The following SAR1A variants were observed in gnomAD, a reference collection of about 807,000 sequenced individuals.
SAR1A encodes small COPII coat GTPase SAR1A.
SAR1A carries 6 observed loss-of-function variants against 22.6 expected under a neutral mutation model. The ratio of observed to expected loss-of-function variants is 0.27; its 90% CI spans 0.15 to 0.52. The LOEUF (loss-of-function observed/expected upper bound fraction) is 0.52, where lower values mean the gene tolerates loss of function less well. Among genes scored for constraint, SAR1A ranks in the 20% least tolerant of loss-of-function variants. The pLI, the probability that SAR1A is intolerant of heterozygous loss-of-function variation, is 0.96. For missense variants in SAR1A, 145 were observed against 245.1 expected (o/e 0.59, Z 2.73); for synonymous variants, 70 against 82.2 (o/e 0.85, Z 0.80).
At chr10:70,161,347 G>A (rs1213538131) in intron 3 of SAR1A, 16 of 549,664 alleles carry the variant, frequency 2.9e-5, no homozygotes, top group African/African-American at 2.1e-4. Context: ...AAAAGCCAAA[G>A]GTTTCTTTTC....
At position 70,167,633 on chromosome 10, in the gene SAR1A, G is replaced by A. The variant is rs1035467300; in HGVS notation, c.-17+2780C>T. 2.6e-5 allele frequency: 4 copies of A among 151,294 alleles called. No homozygotes were observed. In the South Asian group the frequency reaches 6.3e-4, roughly 24 times the overall value. The allele number at this position is 151,294 out of a possible 1,614,324, so 9.4% of individuals were successfully genotyped here. On this transcript the variant is annotated intron_variant, in intron 1 of 6. Transcript: ENST00000373241. ...AAAAAAAAAAAGAGTAAATTGAAAA[G>A]TAGAGCTGGTATGTTTTTCATCCAA...
chr10:70,155,912 T>C (rs926918859), intron 5 of SAR1A, among the ~76,000 whole-genome samples: 2 of 152,210 alleles, frequency 1.3e-5, no homozygotes, highest in African/African-American at 2.4e-5. Flanking sequence ...AAAAGATTTA[T>C]AGATTTTATC....
At chr10:70,156,315 G>A (rs747167951) in intron 5 of SAR1A, among the ~76,000 whole-genome samples, 1 of 152,200 alleles carries the variant, frequency 6.6e-6, no homozygotes, top group African/African-American at 2.4e-5. Flanking sequence ...CAAAGAGACA[G>A]AAGTATCAGC....
chr10:70,167,905 C>T (rs1319045243), intron 1 of SAR1A, among the ~76,000 whole-genome samples: 1 of 152,138 alleles, frequency 6.6e-6, no homozygotes, highest in Non-Finnish European at 1.5e-5. Flanking sequence ...AAATTGAGTC[C>T]GCACTTTAAG....
intron 1 of SAR1A, among the ~76,000 whole-genome samples, chr10:70,168,999 G>T (rs1174821622): frequency 6.6e-6 from 1 of 152,064 alleles, no homozygotes; most frequent in African/African-American, 2.4e-5. Context: ...AAGATCTTAG[G>T]ATTTGTACCA....
chr10:70,160,926 C>A, intron 4 of SAR1A, 78 bp downstream of exon 4: 1 of 861,190 alleles, frequency 1.2e-6, no homozygotes, highest in Non-Finnish European at 1.8e-6. Context: ...GTAAAAATGA[C>A]ACACTGCTTT....
At chr10:70,166,698 T>G (rs1839555997) in intron 1 of SAR1A, 1 of 152,062 alleles carries the variant, frequency 6.6e-6, no homozygotes, top group South Asian at 2.1e-4. Flanking sequence ...TAAGAATACT[T>G]ATTCAGGCCG....
chr10:70,166,434 G>A (rs1276971432), intron 1 of SAR1A, among the ~76,000 whole-genome samples: 2 of 152,120 alleles, frequency 1.3e-5, no homozygotes, highest in Non-Finnish European at 2.9e-5. Context: ...TGATTTGAAT[G>A]AAAAACATAT....
chr10:70,155,995 A>G (rs577886734), intron 5 of SAR1A, among the ~76,000 whole-genome samples: 1 of 152,360 alleles, frequency 6.6e-6, no homozygotes, highest in South Asian at 2.1e-4. Flanking sequence ...TTCTAGCATT[A>G]TGGTGCATAT....
At position 70,170,254 on chromosome 10, in the gene SAR1A, T is replaced by C. The variant is rs557080800; in HGVS notation, c.-17+159A>G. On this transcript the variant is annotated intron_variant, in intron 1 of 6. Coordinates refer to ENST00000373241, the MANE Select transcript of SAR1A (RefSeq NM_020150.5). The stretch of plus-strand genomic sequence containing the variant: ...GAGCAGATCTGGCCAAGTTGTCCCG[T>C]CCCCGCCCAGAATCAGCCCCGCGGC... Among the ~76,000 whole-genome samples the C allele has an allele frequency of 1.8e-4, 27 of 146,728 alleles. 1 individual carries two copies. Among genetic ancestry groups the C allele is most frequent in the Admixed American group, 1.7e-3 (25 of 14,728 alleles).
Position 70,161,601 on chromosome 10 carries a change from T to C in SAR1A, c.178+18A>G, listed in dbSNP as rs1839468161. ...GACCTTTAAAGATCAAAAGGTCACC[T>C]GATATTTTCAAACCTACTCGGATGT... On this transcript the variant is annotated intron_variant, in intron 3 of 6. Transcript: ENST00000373241. 9 of 1,611,648 alleles carry C rather than the reference T, an allele frequency of 5.6e-6. No individual in the cohort carries two copies. The highest frequency in any genetic ancestry group is 7.6e-6 in the Non-Finnish European group (9 of 1,179,806).
Position 70,161,672 on chromosome 10 carries a change from A to C in SAR1A, c.125T>G (p.Leu42Arg). The C allele has an allele frequency of 6.2e-7, 1 of 1,612,778 alleles. No individual in the cohort carries two copies. Among genetic ancestry groups the C allele is most frequent in the Non-Finnish European group, 8.5e-7 (1 of 1,179,990 alleles). ...GLDNAGKTTL[L>R]HMLKDDRLGQ... ...CAATCTGTCATCTTTGAGCATGTGA[A>C]GAAGAGTGGTTTTGCCTGCATTATC... The change falls in exon 3 of 7, where the codon CTT becomes CGT. Residue 42 changes from leucine to arginine, a missense_variant. Physicochemically the swap from Leu to Arg is moderately radical, Grantham distance 102. This residue lies in a region of SAR1A where 40 missense variants were observed against 105.7 expected (regional missense o/e 0.38). Transcript: ENST00000373241.
chr10:70,161,482 C>CT, intron 3 of SAR1A, 137 bp downstream of exon 3: 3 of 947,944 alleles, frequency 3.2e-6, no homozygotes, highest in Non-Finnish European at 4.7e-6. Context: ...CTGAGTGTGT[C>CT]TTACAGGGAA....
At chr10:70,169,972 C>T (rs1448764806) in intron 1 of SAR1A, among the ~76,000 whole-genome samples, 2 of 152,152 alleles carry the variant, frequency 1.3e-5, no homozygotes, top group Non-Finnish European at 2.9e-5. Context: ...GCCTGTAGAC[C>T]AGGTTCGAGC....
intron 4 of SAR1A, among the ~76,000 whole-genome samples, chr10:70,160,728 A>G (rs1450717911): frequency 6.6e-6 from 1 of 152,236 alleles, no homozygotes; most frequent in Non-Finnish European, 1.5e-5. Flanking sequence ...CAAATACTTA[A>G]AAGTTCATGA....
Position 70,147,943 on chromosome 10 carries a change from A to C in SAR1A, c.*4533T>G, listed in dbSNP as rs1839278287. ...GCCCAGGCTGGAGTGCAATGGTGCG[A>C]TCTCCGCTCACTGCAAACTCCGCCT... On this transcript the variant is annotated 3_prime_UTR_variant, in exon 7 of 7. Transcript: ENST00000373241. 6.6e-6 allele frequency: 1 copy of C among 152,098 alleles called. No homozygotes were observed. The highest frequency in any genetic ancestry group is 1.5e-5 in the Non-Finnish European group (1 of 68,036). 9.4% of individuals were successfully genotyped at this position (152,098 alleles called of 1,614,324 possible).
At chr10:70,155,723 T>C (rs1431921797) in intron 5 of SAR1A, among the ~76,000 whole-genome samples, 4 of 152,128 alleles carry the variant, frequency 2.6e-5, no homozygotes, top group Admixed American at 1.3e-4. Flanking sequence ...AGGTCTCTTA[T>C]AGAACATTTT....
intron 1 of SAR1A, among the ~76,000 whole-genome samples, chr10:70,170,034 C>G (rs945563224): frequency 4.6e-5 from 7 of 152,094 alleles, no homozygotes; most frequent in Non-Finnish European, 1.0e-4. Context: ...TCCGAGTCTA[C>G]AAAACAAGGA....
At chr10:70,163,794 T>G in intron 1 of SAR1A, 1 of 1,284,444 alleles carries the variant, frequency 7.8e-7, no homozygotes, top group Non-Finnish European at 1.1e-6. Context: ...GGAACTGTAA[T>G]GAGGTCTCAG....
Sources: allele counts gnomAD v4.1 joint callset (sites outside exome capture counted in the v4.1 genomes callset), GRCh38; gene constraint gnomAD v4.1.1; regional missense constraint gnomAD v4.1.1; transcripts MANE v1.5; gene names NCBI Gene and HGNC (gene_info 2026-07-23, HGNC 2026-07-21).